The following SUGCT variants were observed in gnomAD, a reference collection of about 807,000 sequenced individuals.
The protein encoded by SUGCT is succinyl-CoA:glutarate-CoA transferase.
In SUGCT, 41 loss-of-function variants were observed where a neutral mutation model predicts 55.0. The observed-to-expected ratio is 0.74, with a 90% CI of 0.58 to 0.97. SUGCT has a LOEUF of 0.97. Among genes scored for constraint, SUGCT ranks in the 50% least tolerant of loss-of-function variants. The pLI is 0.00. For missense variants in SUGCT, 568 were observed against 547.8 expected (o/e 1.04, Z -0.37); for synonymous variants, 187 against 200.4 (o/e 0.93, Z 0.56).
At chr7:40,435,746 C>A (rs1437312934) in intron 9 of SUGCT, among the ~76,000 whole-genome samples, 1 of 152,054 alleles carries the variant, frequency 6.6e-6, no homozygotes, top group Non-Finnish European at 1.5e-5. Flanking sequence ...CTTTGCCTTG[C>A]TATCACAATT....
intron 12 of SUGCT, among the ~76,000 whole-genome samples, chr7:40,574,284 C>A (rs1300975326): frequency 6.6e-6 from 1 of 152,064 alleles, no homozygotes; most frequent in Non-Finnish European, 1.5e-5. Context: ...CTTTTTTATC[C>A]CCAGTTCTCC....
intron 12 of SUGCT, among the ~76,000 whole-genome samples, chr7:40,640,188 A>G (rs1584187961): frequency 6.6e-6 from 1 of 152,336 alleles, no homozygotes; most frequent in East Asian, 1.9e-4. Context: ...AAACTAAAAA[A>G]GTTAAATCTA....
At chr7:40,842,075 C>T (rs1320833656) in intron 13 of SUGCT, among the ~76,000 whole-genome samples, 1 of 152,004 alleles carries the variant, frequency 6.6e-6, no homozygotes, top group Admixed American at 6.6e-5. Context: ...ATTTTGTAAG[C>T]ATCAGTCTAA....
At chr7:40,389,294 C>CA (rs1490751499) in intron 9 of SUGCT, among the ~76,000 whole-genome samples, 2 of 151,898 alleles carry the variant, frequency 1.3e-5, no homozygotes, top group African/African-American at 4.8e-5. Context: ...TACAAGAATA[C>CA]AAAAATGAGC....
At chr7:40,221,235 GA>G (rs1562588149) in intron 6 of SUGCT, among the ~76,000 whole-genome samples, 1 of 151,730 alleles carries the variant, frequency 6.6e-6, no homozygotes, top group Non-Finnish European at 1.5e-5. Flanking sequence ...CCAACATAGT[GA>G]AACCCAGTCT....
the SUGCT span, among the ~76,000 whole-genome samples, chr7:40,979,026 C>G: frequency 9.2e-5 from 14 of 152,180 alleles, no homozygotes; most frequent in Admixed American, 7.2e-4. Context: ...AATGTACCTT[C>G]CTGATTGGGA....
the SUGCT span, among the ~76,000 whole-genome samples, chr7:40,939,376 G>A: frequency 7.9e-5 from 12 of 152,256 alleles, no homozygotes; most frequent in Non-Finnish European, 1.3e-4. Flanking sequence ...GATGAGATTT[G>A]GGTGGGGACA....
chr7:40,624,563 C>G (rs1365823631), intron 12 of SUGCT, among the ~76,000 whole-genome samples: 1 of 152,130 alleles, frequency 6.6e-6, no homozygotes, highest in Non-Finnish European at 1.5e-5. Flanking sequence ...TGATTTGAGA[C>G]CTTGTGTGCT....
chr7:40,920,883 G>A, the SUGCT span, among the ~76,000 whole-genome samples: 5 of 152,218 alleles, frequency 3.3e-5, no homozygotes, highest in Non-Finnish European at 7.3e-5. Flanking sequence ...AGCCTCAGAA[G>A]GAAAAGAAAA....
intron 12 of SUGCT, among the ~76,000 whole-genome samples, chr7:40,536,553 G>A (rs1235722193): frequency 6.6e-6 from 1 of 152,202 alleles, no homozygotes; most frequent in Non-Finnish European, 1.5e-5. Context: ...ATGTGAGATA[G>A]CCACATAGGG....
intron 13 of SUGCT, among the ~76,000 whole-genome samples, chr7:40,790,726 C>A (rs1355449635): frequency 6.6e-6 from 1 of 152,086 alleles, no homozygotes; most frequent in African/African-American, 2.4e-5. Context: ...AGAAAATAAA[C>A]ATTTGAGATA....
intron 9 of SUGCT, among the ~76,000 whole-genome samples, chr7:40,401,355 T>C (rs907665075): frequency 3.9e-5 from 6 of 152,210 alleles, no homozygotes; most frequent in South Asian, 2.1e-4. Flanking sequence ...AATAGGGCTA[T>C]CTTGAAATGA....
intron 9 of SUGCT, among the ~76,000 whole-genome samples, chr7:40,342,931 C>T (rs1007597870): frequency 3.3e-5 from 5 of 152,232 alleles, no homozygotes; most frequent in African/African-American, 1.2e-4. Context: ...GCATGGGCCA[C>T]TGCGTCTGGC....
chr7:40,699,881 A>G (rs543263617), intron 12 of SUGCT, among the ~76,000 whole-genome samples: 1 of 152,194 alleles, frequency 6.6e-6, no homozygotes, highest in East Asian at 1.9e-4. Flanking sequence ...AAAGTATAAA[A>G]TAAGTTAAAA....
At chr7:40,362,372 T>C (rs1352343885) in intron 9 of SUGCT, among the ~76,000 whole-genome samples, 1 of 151,998 alleles carries the variant, frequency 6.6e-6, no homozygotes, top group Non-Finnish European at 1.5e-5. Context: ...TGAGCCAAGA[T>C]GGCGTCACTG....
the SUGCT span, among the ~76,000 whole-genome samples, chr7:40,954,954 G>A: frequency 6.6e-6 from 1 of 152,130 alleles, no homozygotes; most frequent in Non-Finnish European, 1.5e-5. Context: ...TTGTAGATGT[G>A]TGACATTATT....
the SUGCT span, among the ~76,000 whole-genome samples, chr7:40,941,379 A>G: frequency 6.4e-3 from 973 of 152,162 alleles, 11 homozygotes; most frequent in African/African-American, 0.023. Context: ...GTATTTGTAT[A>G]GTCTTGAGGG....
intron 12 of SUGCT, among the ~76,000 whole-genome samples, chr7:40,530,262 T>C (rs1276376072): frequency 6.6e-6 from 1 of 152,240 alleles, no homozygotes; most frequent in East Asian, 1.9e-4. Context: ...TAGTTTGTTC[T>C]ATAATTTTTA....
chr7:40,321,594 G>T (rs1795754360), intron 9 of SUGCT, among the ~76,000 whole-genome samples: 1 of 151,552 alleles, frequency 6.6e-6, no homozygotes, highest in Non-Finnish European at 1.5e-5. Flanking sequence ...TGTTGGCCAG[G>T]CTGGTCTCGA....
Sources: gnomAD v4.1 joint callset for allele counts (sites outside exome capture counted in the v4.1 genomes callset) on GRCh38, gnomAD v4.1.1 for gene constraint, MANE v1.5 for transcripts, NCBI Gene and HGNC (gene_info 2026-07-23, HGNC 2026-07-21) for gene names.